MACF1: variants seen among roughly 807,000 people sequenced by gnomAD.
MACF1 encodes microtubule-actin cross-linking factor 1.
In MACF1, 193 loss-of-function variants were observed where a neutral mutation model predicts 854.8. The observed-to-expected ratio is 0.23, with a 90% CI of 0.20 to 0.25. MACF1 has a LOEUF of 0.25. Among genes scored for constraint, MACF1 ranks in the 10% least tolerant of loss-of-function variants. MACF1 has a pLI of 1.00. For missense variants in MACF1, 7,722 were observed against 8,929.1 expected, an observed-to-expected ratio of 0.86 and a Z score of 5.45; for synonymous variants, 3,185 against 3,226.7, an observed-to-expected ratio of 0.99 and a Z score of 0.44.
At chr1:39,139,330 C>T (rs114114177) in intron 2 of MACF1, among the ~76,000 whole-genome samples, 2 of 148,702 alleles carry the variant, frequency 1.3e-5, no homozygotes, top group African/African-American at 5.0e-5. Flanking sequence ...CTCGCTCTGT[C>T]GCTGCAACCT....
chr1:39,381,706 T>G (rs912224533), intron 55 of MACF1, among the ~76,000 whole-genome samples: 13 of 152,214 alleles, frequency 8.5e-5, no homozygotes, highest in Admixed American at 5.2e-4. Context: ...GGCACACGCC[T>G]ATAGTCCCAG....
At chr1:39,246,020 C>A (rs562544866) in intron 2 of MACF1, among the ~76,000 whole-genome samples, 1 of 152,348 alleles carries the variant, frequency 6.6e-6, no homozygotes, top group South Asian at 2.1e-4. Flanking sequence ...TCCTCCTTGA[C>A]TTCTGCTGTA....
Position 39,435,544 on chromosome 1 carries a change from C to A in MACF1, c.17785-14C>A, listed in dbSNP as rs1643956188. 1 of 1,603,604 alleles carries A rather than the reference C, an allele frequency of 6.2e-7. No individual in the cohort carries two copies. The highest frequency in any genetic ancestry group is 8.5e-7 in the Non-Finnish European group (1 of 1,171,764). On this transcript the variant is annotated splice_polypyrimidine_tract_variant and intron_variant, in intron 69 of 100. Coordinates refer to ENST00000564288, the MANE Select transcript of MACF1 (RefSeq NM_001394062.1). ...TAAAAGTACTCATTATGGTTTAATT[C>A]TTTTTTTACCTAGCAATTAAGGGAA...
chr1:39,174,519 C>T (rs1571135220), intron 2 of MACF1, among the ~76,000 whole-genome samples: 4 of 152,098 alleles, frequency 2.6e-5, no homozygotes, highest in Admixed American at 6.5e-5. Context: ...AGCAGACATT[C>T]CCATTAGGCA....
intron 45 of MACF1, among the ~76,000 whole-genome samples, 162 bp from the exon 46 acceptor site, chr1:39,358,535 A>T (rs1158839454): frequency 6.6e-6 from 1 of 152,176 alleles, no homozygotes; most frequent in Non-Finnish European, 1.5e-5. Context: ...GGGGACCCAC[A>T]CTTAGAGATC....
At chr1:39,327,743 C>G (rs1268476770) in intron 36 of MACF1, among the ~76,000 whole-genome samples, 1 of 152,124 alleles carries the variant, frequency 6.6e-6, no homozygotes. Flanking sequence ...AACCTGTGAA[C>G]CTCTTCCCTC....
At chr1:39,413,087 C>G in intron 58 of MACF1, 1 of 1,604,248 alleles carries the variant, frequency 6.2e-7, no homozygotes, top group Non-Finnish European at 8.5e-7. Context: ...GCAGCCATCA[C>G]ACAGGAGGGT....
At chr1:39,338,981 A>G (rs1646877271) in intron 38 of MACF1, among the ~76,000 whole-genome samples, 2 of 152,216 alleles carry the variant, frequency 1.3e-5, no homozygotes, top group South Asian at 4.1e-4. Flanking sequence ...CTATTTAGGA[A>G]AAAAAACATA....
chr1:39,107,185 C>T (rs1642266402), intron 2 of MACF1, among the ~76,000 whole-genome samples: 3 of 152,082 alleles, frequency 2.0e-5, no homozygotes, highest in Admixed American at 6.5e-5. Flanking sequence ...GAATTAAGAC[C>T]CAAAATAGGT....
intron 6 of MACF1, among the ~76,000 whole-genome samples, chr1:39,279,876 A>T (rs901815455): frequency 1.3e-5 from 2 of 152,248 alleles, no homozygotes; most frequent in Non-Finnish European, 2.9e-5. Flanking sequence ...TTGTTTTTAT[A>T]CTTTTTATTA....
At chr1:39,417,797 C>G (rs541401124) in intron 58 of MACF1, among the ~76,000 whole-genome samples, 1 of 129,916 alleles carries the variant, frequency 7.7e-6, no homozygotes, top group South Asian at 2.6e-4. Context: ...AGGCTGGTCT[C>G]GAACTCCTGA....
chr1:39,189,593 T>C (rs994252487), intron 2 of MACF1, among the ~76,000 whole-genome samples: 1 of 152,228 alleles, frequency 6.6e-6, no homozygotes, highest in African/African-American at 2.4e-5. Context: ...TTCCTCATGC[T>C]ATCTCTCCTC....
At chr1:39,234,279 T>A (rs1214558877) in intron 2 of MACF1, among the ~76,000 whole-genome samples, 1 of 152,116 alleles carries the variant, frequency 6.6e-6, no homozygotes, top group Non-Finnish European at 1.5e-5. Context: ...ATTGTCATCC[T>A]GGCCCGTTCT....
At chr1:39,464,593 GA>G (rs1326639154) in intron 94 of MACF1, 1 of 157,594 alleles carries the variant, frequency 6.3e-6, no homozygotes, top group African/African-American at 2.4e-5. Flanking sequence ...ATAGCATGGA[GA>G]GTTAGTTCAT....
intron 2 of MACF1, among the ~76,000 whole-genome samples, chr1:39,190,814 G>T (rs1260977404): frequency 6.6e-6 from 1 of 151,992 alleles, no homozygotes; most frequent in Non-Finnish European, 1.5e-5. Flanking sequence ...GGCCAACATG[G>T]CGAAACCCCG....
intron 49 of MACF1, among the ~76,000 whole-genome samples, chr1:39,364,949 G>A (rs1438774921): frequency 5.3e-5 from 8 of 151,768 alleles, no homozygotes; most frequent in African/African-American, 1.9e-4. Flanking sequence ...TTTTACATTT[G>A]AATCTTTTAA....
chr1:39,308,129 C>T (rs915472833), intron 23 of MACF1, among the ~76,000 whole-genome samples: 1 of 151,992 alleles, frequency 6.6e-6, no homozygotes, highest in Non-Finnish European at 1.5e-5. Context: ...TGGTCTCAAT[C>T]TCTTGACCTC....
At chr1:39,153,235 C>T (rs1272207191) in intron 2 of MACF1, among the ~76,000 whole-genome samples, 1 of 152,194 alleles carries the variant, frequency 6.6e-6, no homozygotes, top group Non-Finnish European at 1.5e-5. Flanking sequence ...CCTAGGTCCT[C>T]AGAATGCCTG....
chr1:39,282,519 T>A, intron 7 of MACF1, 145 bp downstream of exon 7: 3 of 1,002,118 alleles, frequency 3.0e-6, no homozygotes, highest in Non-Finnish European at 4.2e-6. Context: ...TTTATTTAAC[T>A]ACTTTTCTAG....
Sources: allele counts gnomAD v4.1 joint callset (sites outside exome capture counted in the v4.1 genomes callset), GRCh38; gene constraint gnomAD v4.1.1; transcripts MANE v1.5; gene names NCBI Gene and HGNC (gene_info 2026-07-23, HGNC 2026-07-21).